Variants in PPA2 observed in about 807,000 individuals in gnomAD.
The protein encoded by PPA2 is inorganic pyrophosphatase 2, also known as inorganic pyrophosphatase 2, mitochondrial.
PPA2 carries 48 observed loss-of-function variants against 49.5 expected under a neutral mutation model. That is an observed-to-expected ratio of 0.97 (90% CI 0.77 to 1.23). PPA2 has a LOEUF of 1.23. Ranked by LOEUF, PPA2 falls within the 50% of genes most tolerant of loss-of-function variation. The pLI, the probability that PPA2 is intolerant of heterozygous loss-of-function variation, is 0.00. For synonymous variants in PPA2, 131 were observed against 139.9 expected (o/e 0.94, Z 0.45); for missense variants, 429 against 410.1 (o/e 1.05, Z -0.40).
intron 1 of PPA2, among the ~76,000 whole-genome samples, chr4:105,457,043 A>T (rs1395247989): frequency 1.4e-5 from 2 of 145,778 alleles, no homozygotes; most frequent in African/African-American, 5.0e-5. Flanking sequence ...AATACATATT[A>T]AAAAAAAAAA....
intron 7 of PPA2, chr4:105,407,160 A>ATGAGTCT (rs1722518766): frequency 6.6e-6 from 1 of 152,078 alleles, no homozygotes; most frequent in African/African-American, 2.4e-5. Flanking sequence ...AAGTCCTTGA[A>ATGAGTCT]CTGAAAGAGA....
At chr4:105,445,868 T>C (rs1358859595) in intron 5 of PPA2, among the ~76,000 whole-genome samples, 1 of 152,164 alleles carries the variant, frequency 6.6e-6, no homozygotes, top group Non-Finnish European at 1.5e-5. Context: ...CTTATCATTA[T>C]TTAGCTCTTG....
At chr4:105,448,026 G>C (rs1722487042) in intron 4 of PPA2, 1 of 362,804 alleles carries the variant, frequency 2.8e-6, no homozygotes, top group African/African-American at 2.2e-5. Context: ...GATTACAGGT[G>C]TTAGCCACTG....
chr4:105,383,704 A>G lies in PPA2; in HGVS notation c.939+2863T>C, dbSNP rs144003186. ...CTTGTAATGACCATACTTTGAACTC[A>G]TTTAACATCTACAGATAAGTCTCAA... On this transcript the variant is annotated intron_variant, in intron 10 of 11. Transcript: ENST00000341695. 3.3e-5 allele frequency among the ~76,000 whole-genome samples: 5 copies of G among 152,294 alleles called. No homozygotes were observed. In the East Asian group the frequency reaches 9.6e-4, roughly 29 times the overall value.
At position 105,396,390 on chromosome 4, in the gene PPA2, C is replaced by T. The variant is rs566290355; in HGVS notation, c.784-56G>A. 93 of 1,213,410 alleles carry T rather than the reference C, an allele frequency of 7.7e-5. No homozygotes were observed. The East Asian group carries it at 2.1e-3, about 28-fold the overall frequency. The allele number at this position is 1,213,410 out of a possible 1,614,324, so 75.2% of individuals were successfully genotyped here. A position where few individuals can be genotyped will look rare whatever the true frequency, so the allele number is the denominator to read the frequency against. On this transcript the variant is annotated intron_variant, in intron 8 of 11. Coordinates refer to ENST00000341695, the MANE Select transcript of PPA2 (RefSeq NM_176869.3). ...GTATTTAATATCAGTCACATTGTTA[C>T]ACTAACACAAAACTAATCTTGTGAT...
chr4:105,421,323 C>CA (rs1723243270), intron 7 of PPA2, among the ~76,000 whole-genome samples: 1 of 151,944 alleles, frequency 6.6e-6, no homozygotes, highest in Admixed American at 6.5e-5. Flanking sequence ...TTCAAAAGAA[C>CA]AAAAAACATC....
chr4:105,381,463 T>C (rs1370309364), intron 10 of PPA2, among the ~76,000 whole-genome samples: 3 of 152,080 alleles, frequency 2.0e-5, no homozygotes, highest in Non-Finnish European at 4.4e-5. Context: ...TGAGGTTCAG[T>C]GAAAACCTCA....
chr4:105,398,762 C>A, intron 8 of PPA2: 1 of 237,150 alleles, frequency 4.2e-6, no homozygotes, highest in Non-Finnish European at 7.9e-6. Flanking sequence ...ACACAATTTG[C>A]AAAATTAGTC....
At chr4:105,415,266 T>C (rs373436113) in intron 7 of PPA2, among the ~76,000 whole-genome samples, 4 of 152,200 alleles carry the variant, frequency 2.6e-5, no homozygotes, top group African/African-American at 9.6e-5. Flanking sequence ...CCTCCCGCTA[T>C]CTATACATCA....
At chr4:105,370,676 T>C (rs1370947466) in intron 11 of PPA2, 161 bp downstream of exon 11, 1 of 927,650 alleles carries the variant, frequency 1.1e-6, no homozygotes, top group Non-Finnish European at 1.3e-6. Flanking sequence ...AGTTAGAAAA[T>C]ATTTCATCTG....
At chr4:105,428,675 G>T (rs1202169984) in intron 6 of PPA2, among the ~76,000 whole-genome samples, 2 of 151,910 alleles carry the variant, frequency 1.3e-5, no homozygotes, top group Admixed American at 6.6e-5. Context: ...TGTTGGGGGT[G>T]GGGGGCTAGG....
chr4:105,372,999 T>G (rs1220299593), intron 10 of PPA2, among the ~76,000 whole-genome samples: 1 of 152,202 alleles, frequency 6.6e-6, no homozygotes, highest in African/African-American at 2.4e-5. Context: ...ATTACAATTT[T>G]TATCTTTTTG....
At chr4:105,398,497 T>A (rs1488006746) in intron 8 of PPA2, 2 of 152,186 alleles carry the variant, frequency 1.3e-5, no homozygotes, top group Non-Finnish European at 2.9e-5. Context: ...TTAAAAAAAA[T>A]TCCATGCTTT....
intron 7 of PPA2, among the ~76,000 whole-genome samples, chr4:105,406,832 G>A (rs1040732758): frequency 2.0e-5 from 3 of 152,156 alleles, no homozygotes; most frequent in Non-Finnish European, 4.4e-5. Flanking sequence ...AACTGTATAT[G>A]AGGTAACAAT....
intron 5 of PPA2, among the ~76,000 whole-genome samples, chr4:105,444,341 A>AT (rs1417180772): frequency 6.6e-6 from 1 of 152,168 alleles, no homozygotes; most frequent in Non-Finnish European, 1.5e-5. Context: ...AGAATTTTGT[A>AT]TTTTATCTTT....
intron 6 of PPA2, among the ~76,000 whole-genome samples, chr4:105,433,343 C>T (rs1723902502): frequency 6.6e-6 from 1 of 152,132 alleles, no homozygotes; most frequent in Non-Finnish European, 1.5e-5. Flanking sequence ...TTTTCTATTT[C>T]TTAATAGAAA....
At chr4:105,429,286 A>C (rs558193954) in intron 6 of PPA2, among the ~76,000 whole-genome samples, 2 of 152,228 alleles carry the variant, frequency 1.3e-5, no homozygotes, top group African/African-American at 4.8e-5. Context: ...AAGAGGCAGA[A>C]TACAAGAAAC....
intron 1 of PPA2, among the ~76,000 whole-genome samples, chr4:105,469,527 A>G (rs1333461405): frequency 2.6e-5 from 4 of 152,222 alleles, no homozygotes; most frequent in African/African-American, 4.8e-5. Context: ...CACGACTACA[A>G]AACCACTTAT....
intron 7 of PPA2, among the ~76,000 whole-genome samples, chr4:105,421,116 T>C (rs949943725): frequency 1.3e-5 from 2 of 152,174 alleles, no homozygotes; most frequent in African/African-American, 4.8e-5. Context: ...GAGTTATTGT[T>C]CAAAGTCAAT....
Sources: gnomAD v4.1 joint callset for allele counts (sites outside exome capture counted in the v4.1 genomes callset) on GRCh38, gnomAD v4.1.1 for gene constraint, MANE v1.5 for transcripts, NCBI Gene and HGNC (gene_info 2026-07-23, HGNC 2026-07-21) for gene names.